Variants in ENDOD1 observed in about 807,000 individuals in gnomAD.
ENDOD1 encodes the protein endonuclease domain-containing 1 protein.
Under a neutral mutation model 6.5 loss-of-function variants are expected in ENDOD1, and 9 were observed. The ratio of observed to expected loss-of-function variants is 1.39; its 90% CI spans 0.84 to 2.43. The LOEUF (loss-of-function observed/expected upper bound fraction) is 2.43. Ranked by LOEUF, ENDOD1 falls within the 30% of genes most tolerant of loss-of-function variation. ENDOD1 has a pLI of 0.00. For missense variants in ENDOD1, 648 were observed against 635.5 expected (o/e 1.02, Z -0.21); for synonymous variants, 255 against 255.2 (o/e 1.00, Z 0.01).
intron 1 of ENDOD1, among the ~76,000 whole-genome samples, chr11:95,100,165 G>C (rs1407931635): frequency 6.6e-6 from 1 of 152,178 alleles, no homozygotes; most frequent in Non-Finnish European, 1.5e-5. Flanking sequence ...TTAGTGGACA[G>C]ACTTCCCTCC....
intron 1 of ENDOD1, among the ~76,000 whole-genome samples, chr11:95,103,565 GAC>G (rs1408978729): frequency 6.6e-6 from 1 of 152,230 alleles, no homozygotes; most frequent in African/African-American, 2.4e-5. Context: ...GGCAGATCAT[GAC>G]CAAGAACTGG....
intron 1 of ENDOD1, among the ~76,000 whole-genome samples, chr11:95,102,470 G>A (rs143361937): frequency 2.1e-3 from 323 of 151,360 alleles, no homozygotes; most frequent in East Asian, 8.0e-3. Flanking sequence ...TCAAGAATTC[G>A]AGACCAGCCT....
At chr11:95,108,236 CG>C (rs1859111035) in intron 1 of ENDOD1, among the ~76,000 whole-genome samples, 1 of 152,148 alleles carries the variant, frequency 6.6e-6, no homozygotes, top group Admixed American at 6.5e-5. Flanking sequence ...TTTTATCTTC[CG>C]TTCCACCGTC....
At chr11:95,116,618 C>T (rs1310977538) in intron 1 of ENDOD1, among the ~76,000 whole-genome samples, 3 of 152,112 alleles carry the variant, frequency 2.0e-5, no homozygotes, top group Non-Finnish European at 4.4e-5. Flanking sequence ...GTTGTAGGTG[C>T]TTATGCCTAT....
At chr11:95,092,220 G>A (rs367954176) in intron 1 of ENDOD1, among the ~76,000 whole-genome samples, 14 of 152,030 alleles carry the variant, frequency 9.2e-5, no homozygotes, top group African/African-American at 2.7e-4. Context: ...GGATTTGTGC[G>A]TGAAGAAGTT....
In ENDOD1 at chr11:95,128,967, A is replaced by G. The variant is rs1565450075; in HGVS notation, c.891A>G (p.Gln297=). The change falls in exon 2 of 2, where the codon CAA becomes CAG. Residue 297 remains glutamine (Q), a synonymous_variant. Transcript: ENST00000278505. ...NQIQDEERMV[Q]SQKSSSPLSS... ...TCCAGGATGAAGAACGAATGGTACAATCTCAAAAGAGTTCTAGTCCCCTTT... is the reference window on the plus strand; with the variant it reads ...TCCAGGATGAAGAACGAATGGTACAGTCTCAAAAGAGTTCTAGTCCCCTTT... The G allele has an allele frequency of 1.9e-6, 3 of 1,613,974 alleles. No individual in the cohort carries two copies. Among genetic ancestry groups the G allele is most frequent in the Non-Finnish European group, 2.5e-6 (3 of 1,180,016 alleles).
Position 95,089,897 on chromosome 11 carries a change from G to C in ENDOD1, c.-31G>C. On this transcript the variant is annotated 5_prime_UTR_variant, in exon 1 of 2. Coordinates refer to ENST00000278505, the MANE Select transcript of ENDOD1 (RefSeq NM_015036.3). ...GAGCTCGCGCCGCGGCAGCCCAGCC[G>C]CTCGGCCCCGCCGCGCTCGCAGAGG... The C allele has an allele frequency of 7.6e-7, 1 of 1,308,834 alleles. No individual in the cohort carries two copies. Among genetic ancestry groups the C allele is most frequent in the Non-Finnish European group, 9.7e-7 (1 of 1,026,226 alleles). 81.1% of individuals were successfully genotyped at this position (1,308,834 alleles called of 1,614,324 possible). A position where few individuals can be genotyped will look rare whatever the true frequency, so the allele number is the denominator to read the frequency against.
At chr11:95,115,326 T>C (rs1181634049) in intron 1 of ENDOD1, among the ~76,000 whole-genome samples, 1 of 152,138 alleles carries the variant, frequency 6.6e-6, no homozygotes, top group African/African-American at 2.4e-5. Flanking sequence ...GACTGATTTT[T>C]TGTAGTTTAT....
At chr11:95,093,057 G>T (rs1415570061) in intron 1 of ENDOD1, among the ~76,000 whole-genome samples, 1 of 152,208 alleles carries the variant, frequency 6.6e-6, no homozygotes, top group East Asian at 1.9e-4. Context: ...AGTCCACACT[G>T]CAGTTTCCCT....
At position 95,129,430 on chromosome 11, in the gene ENDOD1, T is replaced by G. The variant is rs1410170218; in HGVS notation, c.1354T>G (p.Cys452Gly). 6.2e-7 allele frequency: 1 copy of G among 1,614,238 alleles called. No individual in the cohort carries two copies. Among genetic ancestry groups the G allele is most frequent in the East Asian group, 2.2e-5 (1 of 44,882 alleles). Reference protein sequence around the residue: ...VYTMGAIPIVCKDIALGLGGT... With the variant: ...VYTMGAIPIVGKDIALGLGGT... ...CACCATGGGCGCTATTCCAATTGTT[T>G]GCAAGGACATTGCACTGGGCCTTGG... Residue 452 changes from cysteine (C) to glycine (G), a missense_variant, in exon 2 of 2, where the codon TGC becomes GGC. Physicochemically the swap from Cys to Gly is radical, Grantham distance 159. Coordinates refer to ENST00000278505, the MANE Select transcript of ENDOD1 (RefSeq NM_015036.3).
chr11:95,105,662 C>T (rs143050637), intron 1 of ENDOD1, among the ~76,000 whole-genome samples: 4,813 of 152,276 alleles, frequency 0.032, 104 homozygotes, highest in Non-Finnish European at 0.042. Context: ...TAAGTGAGAA[C>T]ATGCGGTGTT....
In ENDOD1 at chr11:95,128,506, C is replaced by T. The variant is rs773730577; in HGVS notation, c.430C>T (p.Leu144Phe). The change falls in exon 2 of 2, where the codon CTT becomes TTT. Residue 144 changes from leucine (L) to phenylalanine (F), a missense_variant. Transcript: ENST00000278505. Reference sequence around the variant, plus strand: ...TGATTCTGATTACCAAAGAGGACAGCTTTACCCATTCTCCCTTAGCAGTGA... The same window carrying T: ...TGATTCTGATTACCAAAGAGGACAGTTTTACCCATTCTCCCTTAGCAGTGA... ...YLDSDYQRGQ[L>F]YPFSLSSDVQ... is the part of the protein sequence containing the mutation. 1.2e-6 allele frequency: 2 copies of T among 1,614,254 alleles called. No homozygotes were observed. The highest frequency in any genetic ancestry group is 1.3e-5 in the African/African-American group (1 of 75,068).
intron 1 of ENDOD1, among the ~76,000 whole-genome samples, chr11:95,091,544 G>A (rs1234994523): frequency 6.6e-6 from 1 of 152,228 alleles, no homozygotes; most frequent in Non-Finnish European, 1.5e-5. Context: ...CTCACAGGGT[G>A]TTCCCCACCT....
intron 1 of ENDOD1, among the ~76,000 whole-genome samples, chr11:95,124,985 T>A (rs1565449061): frequency 6.6e-6 from 1 of 152,160 alleles, no homozygotes; most frequent in Non-Finnish European, 1.5e-5. Flanking sequence ...TACTTCTCTC[T>A]CATTTGCTTC....
intron 1 of ENDOD1, among the ~76,000 whole-genome samples, chr11:95,104,075 T>A (rs915861367): frequency 2.9e-4 from 44 of 152,212 alleles, no homozygotes; most frequent in Non-Finnish European, 5.7e-4. Context: ...CCTCTTCTCT[T>A]TAGAATAATT....
rs1859379472 is a variant in ENDOD1, at chr11:95,132,403, A to G, written c.*2824A>G. On this transcript the variant is annotated 3_prime_UTR_variant, in exon 2 of 2. Transcript: ENST00000278505. ...CAGAGATGAACAATGCATGGATTTC[A>G]TCTTTGAGGAGTTCAAAACCTAGTG... is the stretch of plus-strand genomic sequence containing the variant. 1.3e-5 allele frequency: 2 copies of G among 152,600 alleles called. No homozygotes were observed. The highest frequency in any genetic ancestry group is 1.3e-4 in the Admixed American group (2 of 15,284). 9.5% of individuals were successfully genotyped at this position (152,600 alleles called of 1,614,324 possible).
chr11:95,095,100 T>G (rs554745440), intron 1 of ENDOD1, among the ~76,000 whole-genome samples: 1 of 152,208 alleles, frequency 6.6e-6, no homozygotes, highest in African/African-American at 2.4e-5. Flanking sequence ...ATAGGTGACA[T>G]CTACAATTCT....
chr11:95,117,348 G>T (rs1555112582), intron 1 of ENDOD1, among the ~76,000 whole-genome samples: 1 of 152,226 alleles, frequency 6.6e-6, no homozygotes. Flanking sequence ...GGCAGAGGTT[G>T]CCACGAGCTG....
chr11:95,090,384 T>C (rs1858917864), intron 1 of ENDOD1, among the ~76,000 whole-genome samples, 157 bp downstream of exon 1: 1 of 101,568 alleles, frequency 9.8e-6, no homozygotes, highest in African/African-American at 4.0e-5. Flanking sequence ...GTCCACCCTG[T>C]TGCGTCCCCG....
Sources: gnomAD v4.1 joint callset for allele counts (sites outside exome capture counted in the v4.1 genomes callset) on GRCh38, gnomAD v4.1.1 for gene constraint, MANE v1.5 for transcripts, NCBI Gene and HGNC (gene_info 2026-07-23, HGNC 2026-07-21) for gene names.